The following SLC25A36 variants were observed in gnomAD, a reference collection of about 807,000 sequenced individuals.
SLC25A36 encodes the protein solute carrier family 25 member 36.
Under a neutral mutation model 35.3 loss-of-function variants are expected in SLC25A36, and 24 were observed. The observed-to-expected ratio is 0.68, with a 90% CI of 0.49 to 0.96. SLC25A36 has a LOEUF of 0.96. Ranked by LOEUF, SLC25A36 falls within the 40% of genes least tolerant of loss-of-function variation. SLC25A36 has a pLI of 0.00. For missense variants in SLC25A36, 294 were observed against 381.1 expected (o/e 0.77, Z 1.90); for synonymous variants, 141 against 132.2 (o/e 1.07, Z -0.46).
intron 4 of SLC25A36, 124 bp from the exon 5 acceptor site, chr3:140,970,803 A>T: frequency 1.9e-6 from 1 of 533,854 alleles, no homozygotes; most frequent in Non-Finnish European, 3.4e-6. Flanking sequence ...TGTAATATAT[A>T]CATAAATTAG....
intron 1 of SLC25A36, among the ~76,000 whole-genome samples, chr3:140,944,358 G>A (rs889379671): frequency 2.6e-5 from 4 of 152,088 alleles, no homozygotes; most frequent in Admixed American, 2.6e-4. Flanking sequence ...TGCATAACTC[G>A]TGCTTTCTTT....
intron 4 of SLC25A36, chr3:140,970,605 T>C (rs1934875900): frequency 6.1e-6 from 1 of 163,342 alleles, no homozygotes; most frequent in Non-Finnish European, 1.3e-5. Flanking sequence ...ACAAAATGTC[T>C]ATGTGTTTGT....
At chr3:140,948,147 A>G (rs796325636) in intron 1 of SLC25A36, among the ~76,000 whole-genome samples, 2 of 152,056 alleles carry the variant, frequency 1.3e-5, no homozygotes, top group African/African-American at 4.8e-5. Context: ...TAGAGACAGG[A>G]TTTCACCATG....
chr3:140,948,649 T>C (rs938569762), intron 1 of SLC25A36, among the ~76,000 whole-genome samples: 1 of 152,254 alleles, frequency 6.6e-6, no homozygotes, highest in African/African-American at 2.4e-5. Context: ...CATACAAATA[T>C]TGTTGACCTC....
At chr3:140,949,537 T>C (rs1215043316) in intron 1 of SLC25A36, among the ~76,000 whole-genome samples, 1 of 152,226 alleles carries the variant, frequency 6.6e-6, no homozygotes, top group Non-Finnish European at 1.5e-5. Context: ...TTTTAAGATA[T>C]AGGACATTTG....
At chr3:140,968,884 C>A (rs771805407) in intron 4 of SLC25A36, among the ~76,000 whole-genome samples, 2 of 151,204 alleles carry the variant, frequency 1.3e-5, no homozygotes, top group Non-Finnish European at 3.0e-5. Context: ...TAAAGATTCC[C>A]AGTTTTAAGC....
In SLC25A36 at chr3:140,976,372, A is replaced by C. The variant is rs1935046810; in HGVS notation, c.855A>C (p.Thr285=). ...EGYGSLYRGL[T]THLVRQIPNT... is the part of the protein sequence containing the mutation. ...ATGGGTCTCTTTATCGTGGTCTGAC[A>C]ACTCATCTAGTGAGACAGATTCCAA... Residue 285 remains threonine, a synonymous_variant, in exon 7 of 7, where the codon ACA becomes ACC. Transcript: ENST00000324194. 2 of 1,613,830 alleles carry C rather than the reference A, an allele frequency of 1.2e-6. No homozygotes were observed. The highest frequency in any genetic ancestry group is 1.7e-6 in the Non-Finnish European group (2 of 1,179,938).
chr3:140,963,240 AATAT>A lies in SLC25A36; in HGVS notation c.385+14_385+17del. ...GCTGCAATGGCAGGTATGAATGTAT[AATAT>A]TAAAAAAAAAAAAAACTTTCTGAAA... On this transcript the variant is annotated intron_variant, in intron 4 of 6. Transcript: ENST00000324194. 1 of 1,484,236 alleles carries A rather than the reference AATAT, an allele frequency of 6.7e-7. No individual in the cohort carries two copies. The allele number at this position is 1,484,236 out of a possible 1,614,324, so 91.9% of individuals were successfully genotyped here.
chr3:140,942,183 T>TGGGGGGGGTGGGGGGGTG (rs1225995661), intron 1 of SLC25A36, 88 bp downstream of exon 1: 1 of 22,274 alleles, frequency 4.5e-5, no homozygotes, highest in African/African-American at 1.7e-4. Flanking sequence ...CCGAGGGGGG[T>TGGGGGGGGTGGGGGGGTG]GGGGGGGTGG....
intron 6 of SLC25A36, among the ~76,000 whole-genome samples, chr3:140,975,958 C>G (rs1404852426): frequency 1.3e-5 from 2 of 152,106 alleles, no homozygotes; most frequent in Non-Finnish European, 2.9e-5. Context: ...ACCTTTTCCT[C>G]CTTCTCATTT....
chr3:140,973,520 CTATT>C (rs1934958991), intron 5 of SLC25A36, 192 bp from the exon 6 acceptor site: 1 of 404,550 alleles, frequency 2.5e-6, no homozygotes. Flanking sequence ...GTAAAATAAA[CTATT>C]TACATATCAC....
chr3:140,943,791 C>T (rs554837552), intron 1 of SLC25A36, among the ~76,000 whole-genome samples: 1 of 152,278 alleles, frequency 6.6e-6, no homozygotes, highest in East Asian at 1.9e-4. Flanking sequence ...AAAAATGGGG[C>T]ATACTTATAT....
intron 4 of SLC25A36, among the ~76,000 whole-genome samples, chr3:140,969,372 A>C (rs912998035): frequency 6.6e-6 from 1 of 151,910 alleles, no homozygotes; most frequent in Non-Finnish European, 1.5e-5. Context: ...TTATCAGTTT[A>C]GTACCTGCTG....
intron 1 of SLC25A36, among the ~76,000 whole-genome samples, chr3:140,951,787 G>T (rs1424807763): frequency 1.3e-5 from 2 of 152,028 alleles, no homozygotes; most frequent in South Asian, 2.1e-4. Context: ...GAGCCACCAC[G>T]CCTGGCCTTA....
intron 1 of SLC25A36, among the ~76,000 whole-genome samples, chr3:140,943,767 T>A (rs536466036): frequency 6.6e-6 from 1 of 152,376 alleles, no homozygotes; most frequent in African/African-American, 2.4e-5. Flanking sequence ...AGGATTCATG[T>A]ATCAAGTTTA....
Position 140,973,981 on chromosome 3 carries a change from GC to G in SLC25A36, c.720del (p.Thr241GlnfsTer3). 1 of 1,582,278 alleles carries G rather than the reference GC, an allele frequency of 6.3e-7. No individual in the cohort carries two copies. The highest frequency in any genetic ancestry group is 8.6e-7 in the Non-Finnish European group (1 of 1,160,546). On this transcript the variant is annotated frameshift_variant, in exon 6 of 7. Coordinates refer to ENST00000324194, the MANE Select transcript of SLC25A36 (RefSeq NM_001104647.3). LOFTEE classifies it high-confidence loss of function. The stretch of plus-strand genomic sequence containing the variant: ...AGCTGCTGCCACCTCAAAAACTTGT[GC>G]CACAACTATAGCATATCCACATGGT... ...MLAAATSKTC[A>X]TTIAYPHEVV...
Position 140,976,617 on chromosome 3 carries a change from C to A in SLC25A36, c.*164C>A. The A allele has an allele frequency of 1.6e-5, 6 of 376,474 alleles. No homozygotes were observed. Among genetic ancestry groups the A allele is most frequent in the Non-Finnish European group, 2.6e-5 (6 of 228,122 alleles). The allele number at this position is 376,474 out of a possible 1,614,324, so 23.3% of individuals were successfully genotyped here. A position where few individuals can be genotyped will look rare whatever the true frequency, so the allele number is the denominator to read the frequency against. On this transcript the variant is annotated 3_prime_UTR_variant, in exon 7 of 7. Coordinates refer to ENST00000324194, the MANE Select transcript of SLC25A36 (RefSeq NM_001104647.3). The stretch of plus-strand genomic sequence containing the variant: ...GAATTATAGTAATCACACCACATTA[C>A]TTGGCCTTTCGGTAATGTGAAAAAA...
At chr3:140,962,788 GTTA>G (rs796459046) in intron 3 of SLC25A36, among the ~76,000 whole-genome samples, 173 of 151,490 alleles carry the variant, frequency 1.1e-3, no homozygotes, top group African/African-American at 4.1e-3. Context: ...GTTTAAATTA[GTTA>G]TTATTTTGTT....
At chr3:140,971,176 AG>A (rs1475741256) in intron 5 of SLC25A36, among the ~76,000 whole-genome samples, 183 bp downstream of exon 5, 2 of 152,140 alleles carry the variant, frequency 1.3e-5, no homozygotes, top group African/African-American at 4.8e-5. Context: ...AGGTGAAAAA[AG>A]TATATTATTA....
Sources: allele counts gnomAD v4.1 joint callset (sites outside exome capture counted in the v4.1 genomes callset), GRCh38; gene constraint gnomAD v4.1.1; transcripts MANE v1.5; gene names NCBI Gene and HGNC (gene_info 2026-07-23, HGNC 2026-07-21).